The following UBE2G1 variants were observed in gnomAD, a reference collection of about 807,000 sequenced individuals.
UBE2G1 encodes ubiquitin conjugating enzyme E2 G1.
UBE2G1 carries 5 observed loss-of-function variants against 22.7 expected under a neutral mutation model. The observed-to-expected ratio is 0.22, with a 90% confidence interval of 0.12 to 0.46. The LOEUF (loss-of-function observed/expected upper bound fraction) is 0.46. UBE2G1 is among the 20% of genes least tolerant of loss of function. The pLI, the probability that UBE2G1 is intolerant of heterozygous loss-of-function variation, is 0.99. For missense variants in UBE2G1, 88 were observed against 203.9 expected (o/e 0.43, Z 3.46); for synonymous variants, 74 against 67.5 (o/e 1.10, Z -0.47).
At chr17:4,309,364 G>T (rs1421406337) in intron 1 of UBE2G1, among the ~76,000 whole-genome samples, 1 of 152,202 alleles carries the variant, frequency 6.6e-6, no homozygotes, top group Non-Finnish European at 1.5e-5. Flanking sequence ...AGGCAAACTA[G>T]ACTTTTACAA....
intron 1 of UBE2G1, among the ~76,000 whole-genome samples, chr17:4,330,006 A>G (rs1969552276): frequency 6.6e-6 from 1 of 152,160 alleles, no homozygotes; most frequent in African/African-American, 2.4e-5. Context: ...TTGAGTGGAA[A>G]GACTAGCTTA....
chr17:4,294,925 G>A (rs1351631740), intron 3 of UBE2G1, among the ~76,000 whole-genome samples: 2 of 150,742 alleles, frequency 1.3e-5, no homozygotes, highest in Non-Finnish European at 3.0e-5. Context: ...CGGAATGGGA[G>A]AAACGTACGT....
intron 1 of UBE2G1, among the ~76,000 whole-genome samples, chr17:4,345,123 A>T (rs1044625548): frequency 6.6e-6 from 1 of 152,184 alleles, no homozygotes; most frequent in Admixed American, 6.5e-5. Flanking sequence ...GAGTGACAGC[A>T]CCAAATGGGC....
Position 4,314,024 on chromosome 17 carries a change from A to G in UBE2G1, c.47-6901T>C, listed in dbSNP as rs1331098252. 2.6e-5 allele frequency among the ~76,000 whole-genome samples: 4 copies of G among 152,238 alleles called. No homozygotes were observed. In the East Asian group the frequency reaches 7.7e-4, roughly 29 times the overall value. On this transcript the variant is annotated intron_variant, in intron 1 of 5. Coordinates refer to ENST00000396981, the MANE Select transcript of UBE2G1 (RefSeq NM_003342.5). ...AAAAAAGAACAGAAAGAGCATATGA[A>G]AAGTAAAAACGCTGCATTTCTGAAT... is the stretch of plus-strand genomic sequence containing the variant.
chr17:4,306,643 A>G (rs1189253056), intron 2 of UBE2G1, among the ~76,000 whole-genome samples: 1 of 151,974 alleles, frequency 6.6e-6, no homozygotes, highest in African/African-American at 2.4e-5. Context: ...TTGCCAAAAT[A>G]TTTGTGGTTT....
At chr17:4,328,857 C>A (rs563609458) in intron 1 of UBE2G1, among the ~76,000 whole-genome samples, 3 of 152,082 alleles carry the variant, frequency 2.0e-5, no homozygotes, top group Non-Finnish European at 4.4e-5. Flanking sequence ...GAGGCCGGGG[C>A]GGGCAGATCA....
chr17:4,302,265 C>G, intron 2 of UBE2G1: 1 of 468,646 alleles, frequency 2.1e-6, no homozygotes, highest in Non-Finnish European at 4.3e-6. Context: ...AGTATTTGGG[C>G]TCCCAGTGGA....
intron 1 of UBE2G1, among the ~76,000 whole-genome samples, chr17:4,335,679 C>T (rs918977350): frequency 1.3e-5 from 2 of 152,124 alleles, no homozygotes; most frequent in African/African-American, 4.8e-5. Flanking sequence ...ATGCATATTT[C>T]AATCAATGGT....
intron 1 of UBE2G1, among the ~76,000 whole-genome samples, chr17:4,324,293 TAAG>T (rs1246348780): frequency 1.3e-5 from 2 of 152,212 alleles, no homozygotes; most frequent in African/African-American, 4.8e-5. Flanking sequence ...ACTGAGCACC[TAAG>T]AAGTGGCTAG....
At chr17:4,330,372 A>G (rs532310592) in intron 1 of UBE2G1, among the ~76,000 whole-genome samples, 2 of 152,268 alleles carry the variant, frequency 1.3e-5, no homozygotes, top group East Asian at 3.9e-4. Context: ...TGATTTTAGG[A>G]ATGGGAAACA....
At chr17:4,298,331 A>G (rs1228146078) in intron 2 of UBE2G1, among the ~76,000 whole-genome samples, 1 of 152,166 alleles carries the variant, frequency 6.6e-6, no homozygotes, top group Non-Finnish European at 1.5e-5. Context: ...AAAAGAAAGG[A>G]AAGAACAAGT....
chr17:4,361,084 G>A (rs1969960735), intron 1 of UBE2G1, among the ~76,000 whole-genome samples: 1 of 150,524 alleles, frequency 6.6e-6, no homozygotes, highest in South Asian at 2.1e-4. Context: ...TTAGCTGGGC[G>A]TGGTGGTGGA....
At chr17:4,282,660 G>A in intron 5 of UBE2G1, 138 bp downstream of exon 5, 1 of 589,962 alleles carries the variant, frequency 1.7e-6, no homozygotes, top group Non-Finnish European at 3.0e-6. Context: ...GTAGTTTTGA[G>A]AACGAGACTA....
At position 4,335,000 on chromosome 17, in the gene UBE2G1, C is replaced by G. The variant is rs1275588315; in HGVS notation, c.47-27877G>C. Among the ~76,000 whole-genome samples, 5 of 152,006 alleles carry G rather than the reference C, an allele frequency of 3.3e-5. 1 individual carries two copies. The highest frequency in any genetic ancestry group is 7.4e-5 in the Non-Finnish European group (5 of 68,016). On this transcript the variant is annotated intron_variant, in intron 1 of 5. Transcript: ENST00000396981. ...TCAACCTGATACTGATGAAAACAAA[C>G]ATGATATCAAACAAAATCTCAAGAA...
chr17:4,341,093 A>G (rs185797816), intron 1 of UBE2G1, among the ~76,000 whole-genome samples: 169 of 151,494 alleles, frequency 1.1e-3, no homozygotes, highest in Middle Eastern at 3.5e-3. Context: ...GAAATTACTG[A>G]CTGAGCCATC....
rs576703204 is a variant in UBE2G1 at position 4,306,186 on chromosome 17, G to A, written c.149+835C>T. Among the ~76,000 whole-genome samples, 19 of 152,278 alleles carry A rather than the reference G, an allele frequency of 1.2e-4. No homozygotes were observed. In the South Asian group the frequency reaches 1.4e-3, roughly 12 times the overall value. ...CAAGTAGAGAACCATGAAAAGAGAC[G>A]ATCTTGAAAGTTCTCCTTAGCCTTC... On this transcript the variant is annotated intron_variant, in intron 2 of 5. Coordinates refer to ENST00000396981, the MANE Select transcript of UBE2G1 (RefSeq NM_003342.5).
At chr17:4,326,665 A>G (rs1000485210) in intron 1 of UBE2G1, among the ~76,000 whole-genome samples, 2 of 152,242 alleles carry the variant, frequency 1.3e-5, no homozygotes, top group Non-Finnish European at 2.9e-5. Flanking sequence ...CACAACAGTC[A>G]AAACGTGGAA....
intron 1 of UBE2G1, among the ~76,000 whole-genome samples, chr17:4,321,105 G>C (rs1348731133): frequency 6.6e-6 from 1 of 151,952 alleles, no homozygotes; most frequent in African/African-American, 2.4e-5. Context: ...AGCTATGATC[G>C]CACCATGGCA....
chr17:4,317,245 G>A (rs1286365435), intron 1 of UBE2G1, among the ~76,000 whole-genome samples: 1 of 152,176 alleles, frequency 6.6e-6, no homozygotes, highest in Non-Finnish European at 1.5e-5. Context: ...AGCTATTCAG[G>A]AGGCTGAGGC....
Sources: gnomAD v4.1 joint callset for allele counts (sites outside exome capture counted in the v4.1 genomes callset) on GRCh38, gnomAD v4.1.1 for gene constraint, MANE v1.5 for transcripts, NCBI Gene and HGNC (gene_info 2026-07-23, HGNC 2026-07-21) for gene names.